Variants in SMIM27 observed in about 807,000 individuals in gnomAD.
SMIM27 encodes TOPORS antisense RNA 1 (non-protein coding).
SMIM27 carries 3 observed loss-of-function variants against 1.8 expected under a neutral mutation model. The observed-to-expected ratio is 1.65, with a 90% confidence interval of 0.75 to 4.28. SMIM27 has a LOEUF of 4.28. Among genes scored for constraint, SMIM27 ranks in the 30% most tolerant of loss-of-function variants. SMIM27 has a pLI of 0.02. For synonymous variants in SMIM27, 19 were observed against 13.9 expected (o/e 1.37, Z -0.82); for missense variants, 63 against 37.0 (o/e 1.70, Z -1.83).
At chr9:32,552,312 A>C, upstream of SMIM27, 1 of 1,398,638 alleles carries the variant, frequency 7.1e-7, no homozygotes, top group Non-Finnish European at 9.9e-7. Context: ...GCACGAAGCG[A>C]GTGGGCGGGC....
At chr9:32,559,272 A>C (rs927883672) in intron 1 of SMIM27, among the ~76,000 whole-genome samples, 2 of 152,188 alleles carry the variant, frequency 1.3e-5, no homozygotes, top group Non-Finnish European at 2.9e-5. Flanking sequence ...ATTCTATCTT[A>C]AGAATATACC....
At chr9:32,562,188 C>T (rs543519681) in intron 1 of SMIM27, among the ~76,000 whole-genome samples, 4 of 152,250 alleles carry the variant, frequency 2.6e-5, no homozygotes, top group South Asian at 2.1e-4. Context: ...TTTTTTCCTC[C>T]GTACTCTTTC....
At chr9:32,566,386 T>C in intron 1 of SMIM27, 1 of 1,030,872 alleles carries the variant, frequency 9.7e-7, no homozygotes, top group Non-Finnish European at 1.5e-6. Flanking sequence ...CACTATGTGA[T>C]CCAGGTTCCA....
chr9:32,566,472 G>T (rs969882155), exon 2 of SMIM27: 1 of 800,248 alleles, frequency 1.2e-6, no homozygotes, highest in Non-Finnish European at 2.3e-6. Context: ...CGTCCATGTC[G>T]AAGGGACCCT....
At chr9:32,553,686 T>C, downstream of SMIM27, 2 of 541,856 alleles carry the variant, frequency 3.7e-6, no homozygotes, top group Non-Finnish European at 6.6e-6. Flanking sequence ...TAGTCTCTCA[T>C]ATTTGTTTAG....
chr9:32,552,174 CA>C (rs35415231), upstream of SMIM27: 206,584 of 492,908 alleles, frequency 0.42, 13,390 homozygotes, highest in Admixed American at 0.47. Flanking sequence ...CCTTAGTTGG[CA>C]AAAAAAAAAA....
rs753572144 is a variant in SMIM27 at position 32,552,332 on chromosome 9, C to A, written c.-103C>A. On this transcript the variant is annotated 5_prime_UTR_variant, in exon 1 of 2. Transcript: ENST00000692500. Reference sequence around the variant, plus strand: ...AAGCGAGTGGGCGGGCGCTCGTGCCCGGCTAAAAGATGGCTGCTGGCGCCT... The same window carrying A: ...AAGCGAGTGGGCGGGCGCTCGTGCCAGGCTAAAAGATGGCTGCTGGCGCCT... 1.9e-5 allele frequency: 29 copies of A among 1,523,674 alleles called. No individual in the cohort carries two copies. In the South Asian group the frequency reaches 2.3e-4, roughly 12 times the overall value. 94.4% of individuals were successfully genotyped at this position (1,523,674 alleles called of 1,614,324 possible).
At chr9:32,561,255 T>C (rs1023181139) in intron 1 of SMIM27, among the ~76,000 whole-genome samples, 1 of 152,038 alleles carries the variant, frequency 6.6e-6, no homozygotes, top group South Asian at 2.1e-4. Context: ...TTCTAACACA[T>C]AAGACAGGCC....
At chr9:32,553,944 C>T (rs751630084), downstream of SMIM27, 1 of 1,579,894 alleles carries the variant, frequency 6.3e-7, no homozygotes. Context: ...ATTGTATCAC[C>T]CTAGGAAAAC....
chr9:32,556,159 G>A (rs545465288), downstream of SMIM27, among the ~76,000 whole-genome samples: 27 of 152,320 alleles, frequency 1.8e-4, no homozygotes, highest in Admixed American at 1.8e-3. Context: ...GTTATGCATG[G>A]GTAAAGAAAG....
upstream of SMIM27, chr9:32,551,158 C>T (rs1417416046): frequency 1.4e-6 from 1 of 695,028 alleles, no homozygotes; most frequent in Non-Finnish European, 2.5e-6. Flanking sequence ...CCGCTCCAGA[C>T]CCCGGAGGAG....
intron 1 of SMIM27, among the ~76,000 whole-genome samples, chr9:32,559,578 T>TC (rs1462928315): frequency 6.6e-6 from 1 of 152,180 alleles, no homozygotes; most frequent in Non-Finnish European, 1.5e-5. Flanking sequence ...TGCTTGTGCC[T>TC]CAAGGCCTCT....
upstream of SMIM27, chr9:32,552,213 G>T (rs769905266): frequency 4.5e-5 from 27 of 600,814 alleles, no homozygotes; most frequent in African/African-American, 4.9e-4. Context: ...ACATTTTCTC[G>T]TTTATTCCCC....
downstream of SMIM27, among the ~76,000 whole-genome samples, chr9:32,554,589 A>C (rs1821404110): frequency 6.6e-6 from 1 of 152,202 alleles, no homozygotes; most frequent in Non-Finnish European, 1.5e-5. Flanking sequence ...ATGACTGGGA[A>C]GAGTAGAATT....
chr9:32,558,742 T>C (rs1238138243), intron 1 of SMIM27, among the ~76,000 whole-genome samples: 1 of 150,026 alleles, frequency 6.7e-6, no homozygotes, highest in East Asian at 1.9e-4. Context: ...CGGTATTTCT[T>C]CCTGTTTTTT....
Position 32,552,350 on chromosome 9 carries a change from T to G in SMIM27, c.-85T>G, listed in dbSNP as rs1486437025. On this transcript the variant is annotated 5_prime_UTR_variant, in exon 1 of 2. Transcript: ENST00000692500. ...TCGTGCCCGGCTAAAAGATGGCTGCTGGCGCCTGGCAGCCACCGCCTGGGA... is the reference window on the plus strand; with the variant it reads ...TCGTGCCCGGCTAAAAGATGGCTGCGGGCGCCTGGCAGCCACCGCCTGGGA... 4 of 1,560,260 alleles carry G rather than the reference T, an allele frequency of 2.6e-6. No individual in the cohort carries two copies. The African/African-American group carries it at 4.1e-5, about 16-fold the overall frequency.
chr9:32,559,620 T>C (rs1161318963), intron 1 of SMIM27, among the ~76,000 whole-genome samples: 1 of 152,162 alleles, frequency 6.6e-6, no homozygotes, highest in African/African-American at 2.4e-5. Context: ...TGAAATGCTC[T>C]TCTCCTAAAT....
intron 1 of SMIM27, among the ~76,000 whole-genome samples, chr9:32,558,485 A>T (rs1212058837): frequency 6.6e-6 from 1 of 152,224 alleles, no homozygotes; most frequent in Non-Finnish European, 1.5e-5. Flanking sequence ...AAATCTTGAA[A>T]ATGAGGTACA....
At chr9:32,559,679 A>T (rs766077366) in intron 1 of SMIM27, among the ~76,000 whole-genome samples, 5 of 152,282 alleles carry the variant, frequency 3.3e-5, no homozygotes, top group Non-Finnish European at 5.9e-5. Flanking sequence ...TTCAAAGATC[A>T]CTTCCTCAGA....
Sources: gnomAD v4.1 joint callset for allele counts (sites outside exome capture counted in the v4.1 genomes callset) on GRCh38, gnomAD v4.1.1 for gene constraint, MANE v1.5 for transcripts, NCBI Gene and HGNC (gene_info 2026-07-23, HGNC 2026-07-21) for gene names.